The following EXPH5 variants were observed in gnomAD, a reference collection of about 807,000 sequenced individuals.
EXPH5 encodes the protein exophilin-5.
A neutral mutation model predicts 41.1 loss-of-function variants in EXPH5; 42 were observed. The observed-to-expected ratio is 1.02, with a 90% CI of 0.80 to 1.32. EXPH5 has a LOEUF of 1.32. Among genes scored for constraint, EXPH5 ranks in the 40% most tolerant of loss-of-function variants. The pLI, the probability that EXPH5 is intolerant of heterozygous loss-of-function variation, is 0.00. For missense variants in EXPH5, 2,298 were observed against 2,314.5 expected (o/e 0.99, Z 0.15); for synonymous variants, 798 against 833.5 (o/e 0.96, Z 0.73).
At chr11:108,579,714 A>ATTTTACATTT (rs1374450434) in intron 1 of EXPH5, among the ~76,000 whole-genome samples, 10 of 152,140 alleles carry the variant, frequency 6.6e-5, no homozygotes, top group Non-Finnish European at 1.3e-4. Context: ...ATACCACTGA[A>ATTTTACATTT]ACTGCTGTGA....
intron 1 of EXPH5, among the ~76,000 whole-genome samples, chr11:108,567,432 T>G (rs977050640): frequency 3.3e-5 from 5 of 152,182 alleles, no homozygotes; most frequent in African/African-American, 4.8e-5. Flanking sequence ...CTATGAAGTT[T>G]TGCCTAATAA....
At chr11:108,592,181 G>A (rs778011061) in intron 1 of EXPH5, among the ~76,000 whole-genome samples, 1 of 152,174 alleles carries the variant, frequency 6.6e-6, no homozygotes. Flanking sequence ...GGAGGGGAAT[G>A]ATAAAGCCAC....
intron 1 of EXPH5, among the ~76,000 whole-genome samples, chr11:108,591,804 A>C (rs533477614): frequency 1.3e-5 from 2 of 152,326 alleles, no homozygotes; most frequent in South Asian, 4.1e-4. Context: ...AATAGAGAAA[A>C]CACAATAAGG....
Position 108,509,535 on chromosome 11 carries a change from C to G in EXPH5, c.*2G>C. 1 of 1,535,248 alleles carries G rather than the reference C, an allele frequency of 6.5e-7. No individual in the cohort carries two copies. The highest frequency in any genetic ancestry group is 8.7e-7 in the Non-Finnish European group (1 of 1,147,300). ...AAAGTAAAGCATTTTATTGAAAAAG[C>G]CTCACAGTTCTGACTCTTTGTCATT... On this transcript the variant is annotated 3_prime_UTR_variant, in exon 6 of 6. Coordinates refer to ENST00000265843, the MANE Select transcript of EXPH5 (RefSeq NM_015065.3).
intron 1 of EXPH5, among the ~76,000 whole-genome samples, chr11:108,581,095 T>C (rs1428658676): frequency 2.0e-5 from 3 of 152,116 alleles, no homozygotes; most frequent in South Asian, 4.2e-4. Context: ...TCACTTGAGC[T>C]CAGGAGTTTG....
intron 1 of EXPH5, among the ~76,000 whole-genome samples, chr11:108,548,991 C>CA (rs1184881925): frequency 6.6e-6 from 1 of 152,200 alleles, no homozygotes; most frequent in African/African-American, 2.4e-5. Flanking sequence ...CAACCAACTT[C>CA]ATAACCAGCC....
intron 2 of EXPH5, among the ~76,000 whole-genome samples, chr11:108,540,891 A>G (rs1591714763): frequency 6.7e-6 from 1 of 148,886 alleles, no homozygotes; most frequent in Non-Finnish European, 1.5e-5. Context: ...ACCCTGTTCC[A>G]GCTTAATATT....
intron 1 of EXPH5, 34 bp downstream of exon 1, chr11:108,593,384 G>A: frequency 1.3e-6 from 2 of 1,586,800 alleles, no homozygotes; most frequent in South Asian, 2.2e-5. Flanking sequence ...GCGGGACCCA[G>A]GCCCAGGACA....
upstream of EXPH5, among the ~76,000 whole-genome samples, chr11:108,597,220 T>C (rs568918850): frequency 8.5e-5 from 13 of 152,148 alleles, no homozygotes; most frequent in East Asian, 1.5e-3. Context: ...TTTCTTGAGA[T>C]GGAGTCTCAC....
chr11:108,573,456 T>C (rs1164275629), intron 1 of EXPH5, among the ~76,000 whole-genome samples: 1 of 152,238 alleles, frequency 6.6e-6, no homozygotes, highest in South Asian at 2.1e-4. Context: ...GTATGTTGTA[T>C]AGGTATAACA....
rs1452531192 is a variant in EXPH5 at position 108,528,135 on chromosome 11, C to A, written c.492+1G>T. On this transcript the variant is annotated splice_donor_variant, in intron 4 of 5. Transcript: ENST00000265843. LOFTEE classifies it high-confidence loss of function. ...TAACCTGTAGTTATCTGGTTACTTA[C>A]CACAGCAGCTCCCCTCACAGGCATA... 1.2e-6 allele frequency: 2 copies of A among 1,603,362 alleles called. No individual in the cohort carries two copies. Among genetic ancestry groups the A allele is most frequent in the Admixed American group, 1.7e-5 (1 of 59,956 alleles).
chr11:108,598,095 C>G (rs534160755), upstream of EXPH5, among the ~76,000 whole-genome samples: 19 of 152,126 alleles, frequency 1.2e-4, no homozygotes, highest in South Asian at 1.0e-3. Flanking sequence ...GGGAGGGATG[C>G]AGGGAGGGCT....
chr11:108,592,381 C>T (rs116030750), intron 1 of EXPH5, among the ~76,000 whole-genome samples: 102 of 152,122 alleles, frequency 6.7e-4, no homozygotes, highest in African/African-American at 2.3e-3. Flanking sequence ...CTTTTGTCGG[C>T]GGTGGGGGAC....
intron 3 of EXPH5, among the ~76,000 whole-genome samples, chr11:108,538,429 A>G (rs2093893105): frequency 6.6e-6 from 1 of 152,218 alleles, no homozygotes; most frequent in Non-Finnish European, 1.5e-5. Flanking sequence ...ACTGGGAACC[A>G]TCTGGAACTA....
At chr11:108,605,505 C>T in the EXPH5 span, among the ~76,000 whole-genome samples, 1 of 152,194 alleles carries the variant, frequency 6.6e-6, no homozygotes, top group Admixed American at 6.5e-5. Context: ...GTGGTACCAG[C>T]ATCTACAGGG....
chr11:108,589,379 G>A (rs2136126685), intron 1 of EXPH5, among the ~76,000 whole-genome samples: 1 of 152,262 alleles, frequency 6.6e-6, no homozygotes, highest in East Asian at 1.9e-4. Flanking sequence ...ACCTCTGCCG[G>A]ATGTGGCAGC....
chr11:108,559,611 G>T (rs2094003537), intron 1 of EXPH5, among the ~76,000 whole-genome samples: 1 of 152,162 alleles, frequency 6.6e-6, no homozygotes, highest in African/African-American at 2.4e-5. Context: ...GTAGAGTTAG[G>T]TAACAAGATA....
intron 1 of EXPH5, among the ~76,000 whole-genome samples, chr11:108,544,153 G>A (rs2093926934): frequency 6.6e-6 from 1 of 152,136 alleles, no homozygotes. Flanking sequence ...GTACAGGCTT[G>A]ATGTAATATT....
At chr11:108,601,382 T>G in the EXPH5 span, among the ~76,000 whole-genome samples, 12 of 152,250 alleles carry the variant, frequency 7.9e-5, no homozygotes, top group Admixed American at 7.8e-4. Context: ...GCACTTAACA[T>G]ATAAAGAAAT....
Sources: allele counts gnomAD v4.1 joint callset (sites outside exome capture counted in the v4.1 genomes callset), GRCh38; gene constraint gnomAD v4.1.1; transcripts MANE v1.5; gene names NCBI Gene and HGNC (gene_info 2026-07-23, HGNC 2026-07-21).